Variants in PARN observed in about 807,000 individuals in gnomAD.
The protein encoded by PARN is poly(A)-specific ribonuclease.
PARN carries 71 observed loss-of-function variants against 102.8 expected under a neutral mutation model. That is an observed-to-expected ratio of 0.69 (90% confidence interval 0.57 to 0.84). The LOEUF (loss-of-function observed/expected upper bound fraction) is 0.84, where lower values mean the gene tolerates loss of function less well. PARN is among the 40% of genes least tolerant of loss of function. The pLI, the probability that PARN is intolerant of heterozygous loss-of-function variation, is 0.00. For missense variants in PARN, 782 were observed against 760.9 expected, an observed-to-expected ratio of 1.03 and a Z score of -0.33; for synonymous variants, 261 against 252.9, an observed-to-expected ratio of 1.03 and a Z score of -0.30.
intron 22 of PARN, among the ~76,000 whole-genome samples, chr16:14,466,861 C>T (rs553387574): frequency 2.0e-5 from 3 of 152,236 alleles, no homozygotes; most frequent in East Asian, 3.9e-4. Flanking sequence ...TGGTTCCTTC[C>T]GGCTTTCCTA....
intron 21 of PARN, among the ~76,000 whole-genome samples, chr16:14,504,618 G>GA (rs757702384): frequency 3.3e-5 from 5 of 151,900 alleles, no homozygotes; most frequent in Non-Finnish European, 5.9e-5. Flanking sequence ...GGAGAGGGGA[G>GA]AAAAAATACG....
intron 18 of PARN, among the ~76,000 whole-genome samples, chr16:14,571,655 A>G (rs914972820): frequency 2.0e-5 from 3 of 152,170 alleles, no homozygotes; most frequent in Non-Finnish European, 4.4e-5. Flanking sequence ...GTCTCAAACT[A>G]TGTCACCACA....
At chr16:14,439,812 G>A (rs906942206) in intron 23 of PARN, among the ~76,000 whole-genome samples, 4 of 151,982 alleles carry the variant, frequency 2.6e-5, no homozygotes, top group African/African-American at 7.3e-5. Flanking sequence ...TCAGGGGTTC[G>A]AGACCACCCT....
chr16:14,568,214 C>T (rs1292288721), intron 18 of PARN, among the ~76,000 whole-genome samples: 1 of 139,460 alleles, frequency 7.2e-6, no homozygotes, highest in Non-Finnish European at 1.6e-5. Context: ...TTATTTTTAC[C>T]TTTTTTTTTT....
intron 21 of PARN, among the ~76,000 whole-genome samples, chr16:14,551,784 G>C (rs1567375892): frequency 6.6e-6 from 1 of 152,092 alleles, no homozygotes. Flanking sequence ...CAGAATGGAG[G>C]TAAATGAAAA....
intron 21 of PARN, among the ~76,000 whole-genome samples, chr16:14,508,457 CATAAT>C (rs1283732513): frequency 4.6e-5 from 7 of 151,902 alleles, no homozygotes; most frequent in African/African-American, 1.5e-4. Context: ...GGACTCAGAA[CATAAT>C]ATAAGATTTT....
At chr16:14,462,649 A>AGAG (rs917255472) in intron 22 of PARN, among the ~76,000 whole-genome samples, 3 of 141,166 alleles carry the variant, frequency 2.1e-5, no homozygotes, top group Non-Finnish European at 4.6e-5. Flanking sequence ...AGAGACAGAG[A>AGAG]GAGAAGAAGA....
chr16:14,626,002 T>G (rs758715183), intron 5 of PARN, among the ~76,000 whole-genome samples: 1 of 152,188 alleles, frequency 6.6e-6, no homozygotes, highest in Non-Finnish European at 1.5e-5. Context: ...ATTTACTGAG[T>G]GTCTACCAGG....
At chr16:14,561,938 G>A (rs985742547) in intron 18 of PARN, among the ~76,000 whole-genome samples, 1 of 151,532 alleles carries the variant, frequency 6.6e-6, no homozygotes, top group Non-Finnish European at 1.5e-5. Context: ...GATCACTGGA[G>A]GTCAAGAGTT....
At chr16:14,550,939 G>A (rs536313844) in intron 21 of PARN, among the ~76,000 whole-genome samples, 1 of 151,804 alleles carries the variant, frequency 6.6e-6, no homozygotes, top group Admixed American at 6.6e-5. Context: ...TACAAGAGAC[G>A]GGGTGCTCCA....
chr16:14,479,483 A>C (rs894082792), intron 22 of PARN, among the ~76,000 whole-genome samples: 10 of 152,138 alleles, frequency 6.6e-5, no homozygotes, highest in African/African-American at 2.4e-4. Flanking sequence ...GCCACAGTAA[A>C]AACTAAAAAA....
At chr16:14,515,365 T>C (rs946221700) in intron 21 of PARN, among the ~76,000 whole-genome samples, 1 of 152,238 alleles carries the variant, frequency 6.6e-6, no homozygotes, top group African/African-American at 2.4e-5. Flanking sequence ...GCAGTTTTAC[T>C]GGTTTCACTG....
intron 18 of PARN, among the ~76,000 whole-genome samples, chr16:14,563,149 A>G (rs1968181493): frequency 6.6e-6 from 1 of 152,244 alleles, no homozygotes; most frequent in Non-Finnish European, 1.5e-5. Context: ...CAAATTCTAC[A>G]TTACCAAATC....
At chr16:14,467,248 A>G (rs898591607) in intron 22 of PARN, among the ~76,000 whole-genome samples, 10 of 152,210 alleles carry the variant, frequency 6.6e-5, no homozygotes, top group Non-Finnish European at 1.2e-4. Context: ...GTATGATGGC[A>G]TTACCAGAAG....
At chr16:14,491,692 A>T (rs968228839) in intron 21 of PARN, among the ~76,000 whole-genome samples, 13 of 152,184 alleles carry the variant, frequency 8.5e-5, no homozygotes, top group Non-Finnish European at 1.8e-4. Flanking sequence ...GGATCACTTG[A>T]GCCAGCAAGG....
At chr16:14,510,204 GA>G (rs1806195970) in intron 21 of PARN, among the ~76,000 whole-genome samples, 1 of 152,192 alleles carries the variant, frequency 6.6e-6, no homozygotes, top group African/African-American at 2.4e-5. Flanking sequence ...CATTTGTGAA[GA>G]AAAGGAAAAT....
chr16:14,585,848 C>T (rs1969820130), intron 14 of PARN, among the ~76,000 whole-genome samples: 1 of 152,046 alleles, frequency 6.6e-6, no homozygotes, highest in South Asian at 2.1e-4. Flanking sequence ...ATAACAAAAC[C>T]AATCATAAAT....
chr16:14,567,812 C>G (rs1349287607), intron 18 of PARN, among the ~76,000 whole-genome samples: 1 of 152,190 alleles, frequency 6.6e-6, no homozygotes, highest in African/African-American at 2.4e-5. Flanking sequence ...GCCTCACCAG[C>G]GTCAGAAGGC....
chr16:14,571,140 T>G (rs1968782580), intron 18 of PARN, among the ~76,000 whole-genome samples: 1 of 152,168 alleles, frequency 6.6e-6, no homozygotes, highest in Admixed American at 6.5e-5. Context: ...TTCCAACACT[T>G]TGGGAGGCTA....
Sources: allele counts gnomAD v4.1 joint callset (sites outside exome capture counted in the v4.1 genomes callset), GRCh38; gene constraint gnomAD v4.1.1; transcripts MANE v1.5; gene names NCBI Gene and HGNC (gene_info 2026-07-23, HGNC 2026-07-21).